CCDC178: variants seen among roughly 807,000 people sequenced by gnomAD.
CCDC178 encodes the protein coiled-coil domain containing 178.
CCDC178 carries 126 observed loss-of-function variants against 117.4 expected under a neutral mutation model. That is an observed-to-expected ratio of 1.07 (90% CI 0.93 to 1.24). The LOEUF is 1.24. CCDC178 is among the 50% of genes most tolerant of loss of function. The probability of loss-of-function intolerance (pLI) is 0.00; values close to 1 mark genes in which losing one functional copy is unlikely to be tolerated. For synonymous variants in CCDC178, 283 were observed against 313.4 expected (o/e 0.90, Z 1.02); for missense variants, 1,030 against 986.9 (o/e 1.04, Z -0.59).
intron 20 of CCDC178, among the ~76,000 whole-genome samples, chr18:33,148,411 G>A (rs1488430958): frequency 1.3e-5 from 2 of 151,876 alleles, no homozygotes; most frequent in South Asian, 2.1e-4. Flanking sequence ...GAGGGAGACC[G>A]TGGAGAGAGA....
At position 33,354,560 on chromosome 18, in the gene CCDC178, C is replaced by A. The variant is rs2063025515; in HGVS notation, c.371+1764G>T. On this transcript the variant is annotated intron_variant, in intron 7 of 22. Coordinates refer to ENST00000383096, the MANE Select transcript of CCDC178 (RefSeq NM_001105528.4). ...GACTGCTCAAAGCTGCTACTGAACCCTTCTAGTGAAGTTTTTAATTTCAGT... is the reference window on the plus strand; with the variant it reads ...GACTGCTCAAAGCTGCTACTGAACCATTCTAGTGAAGTTTTTAATTTCAGT... Among the ~76,000 whole-genome samples, 3 of 151,692 alleles carry A rather than the reference C, an allele frequency of 2.0e-5. No homozygotes were observed. The South Asian group carries it at 6.2e-4, about 31-fold the overall frequency.
At chr18:33,428,732 A>C (rs11872780) in intron 2 of CCDC178, among the ~76,000 whole-genome samples, 29 of 135,300 alleles carry the variant, frequency 2.1e-4, no homozygotes, top group African/African-American at 8.1e-4. Context: ...CTCTGTCTCA[A>C]AAAAAAAAAA....
At chr18:33,306,548 G>GTT (rs200694644) in intron 11 of CCDC178, among the ~76,000 whole-genome samples, 5,938 of 140,104 alleles carry the variant, frequency 0.042, 207 homozygotes, top group East Asian at 0.11. Flanking sequence ...ATAATATATG[G>GTT]TTATATATAT....
At chr18:33,255,991 A>C (rs1414099446) in intron 14 of CCDC178, among the ~76,000 whole-genome samples, 1 of 143,740 alleles carries the variant, frequency 7.0e-6, no homozygotes, top group Non-Finnish European at 1.5e-5. Context: ...AAAAAAAAAA[A>C]CGCCTACCAC....
intron 15 of CCDC178, among the ~76,000 whole-genome samples, chr18:33,243,791 T>C (rs553253443): frequency 1.3e-5 from 2 of 151,976 alleles, no homozygotes; most frequent in East Asian, 3.9e-4. Flanking sequence ...ATGACAAAGG[T>C]TTCGAGTCAA....
intron 11 of CCDC178, among the ~76,000 whole-genome samples, chr18:33,295,159 C>A: frequency 6.6e-6 from 1 of 152,032 alleles, no homozygotes; most frequent in Non-Finnish European, 1.5e-5. Context: ...AGAAATAGAG[C>A]TACACAAGCA....
intron 18 of CCDC178, among the ~76,000 whole-genome samples, chr18:33,217,840 G>T (rs2059184539): frequency 6.6e-6 from 1 of 151,976 alleles, no homozygotes; most frequent in Admixed American, 6.6e-5. Context: ...CTATTTCAGT[G>T]TCAGACTGTC....
chr18:33,194,519 C>G (rs1259375068), intron 20 of CCDC178, among the ~76,000 whole-genome samples: 3 of 152,194 alleles, frequency 2.0e-5, no homozygotes, highest in Admixed American at 1.3e-4. Context: ...TTCACCAACT[C>G]TAATTTCTGA....
At chr18:33,377,779 G>C (rs2063384864) in intron 5 of CCDC178, among the ~76,000 whole-genome samples, 2 of 151,982 alleles carry the variant, frequency 1.3e-5, no homozygotes, top group Admixed American at 6.6e-5. Flanking sequence ...TTTACTTCTA[G>C]GTTCTCCATT....
intron 20 of CCDC178, among the ~76,000 whole-genome samples, chr18:33,156,240 C>T (rs542863136): frequency 3.0e-4 from 46 of 151,746 alleles, no homozygotes; most frequent in Non-Finnish European, 5.9e-4. Context: ...AGGCACCTGC[C>T]ACCACGCCCA....
At chr18:33,094,498 A>T (rs1490145435) in intron 20 of CCDC178, among the ~76,000 whole-genome samples, 1 of 151,822 alleles carries the variant, frequency 6.6e-6, no homozygotes, top group South Asian at 2.1e-4. Flanking sequence ...TTTTTGATTA[A>T]ATCTAAGCAC....
At chr18:33,330,407 G>A (rs186042480) in intron 10 of CCDC178, among the ~76,000 whole-genome samples, 136 of 152,182 alleles carry the variant, frequency 8.9e-4, no homozygotes, top group African/African-American at 3.2e-3. Flanking sequence ...TATGGCTCAC[G>A]CTACAGAAGC....
At chr18:33,314,910 G>A (rs7243303) in intron 11 of CCDC178, among the ~76,000 whole-genome samples, 1,804 of 152,262 alleles carry the variant, frequency 0.012, 25 homozygotes, top group African/African-American at 0.037. Flanking sequence ...TAAGATTCCT[G>A]CTCAAAATGA....
At chr18:33,255,169 C>CGAAA (rs140372568) in intron 14 of CCDC178, among the ~76,000 whole-genome samples, 3 of 152,144 alleles carry the variant, frequency 2.0e-5, no homozygotes, top group Non-Finnish European at 4.4e-5. Flanking sequence ...TGATGCAGCA[C>CGAAA]GAAAGCCCTA....
chr18:33,165,687 C>T (rs1016665305), intron 20 of CCDC178, among the ~76,000 whole-genome samples: 2 of 152,010 alleles, frequency 1.3e-5, no homozygotes, highest in Admixed American at 6.6e-5. Context: ...CACAGTTTGC[C>T]TGTCAATTGT....
At chr18:33,135,705 A>T (rs271583) in intron 20 of CCDC178, among the ~76,000 whole-genome samples, 24,450 of 152,078 alleles carry the variant, frequency 0.16, 2,743 homozygotes, top group African/African-American at 0.32. Context: ...TGAACTTGTT[A>T]TGAACTTTGC....
At chr18:33,433,055 C>G (rs560692069) in intron 2 of CCDC178, among the ~76,000 whole-genome samples, 1 of 152,260 alleles carries the variant, frequency 6.6e-6, no homozygotes, top group African/African-American at 2.4e-5. Context: ...GTTTATTCTT[C>G]TAAAGCATAA....
chr18:33,401,816 A>C (rs1027948106), intron 3 of CCDC178, among the ~76,000 whole-genome samples: 2 of 152,084 alleles, frequency 1.3e-5, no homozygotes, highest in Non-Finnish European at 2.9e-5. Flanking sequence ...TATTTATATA[A>C]GTTGAAAACG....
intron 12 of CCDC178, among the ~76,000 whole-genome samples, chr18:33,292,425 TA>T (rs1259392539): frequency 3.9e-5 from 6 of 151,998 alleles, no homozygotes; most frequent in Non-Finnish European, 5.9e-5. Context: ...CTAGGAAGGG[TA>T]GGGGGTAGGG....
Sources: allele counts gnomAD v4.1 joint callset (sites outside exome capture counted in the v4.1 genomes callset), GRCh38; gene constraint gnomAD v4.1.1; transcripts MANE v1.5; gene names NCBI Gene and HGNC (gene_info 2026-07-23, HGNC 2026-07-21).